The following GLIS3 variants were observed in gnomAD, a reference collection of about 807,000 sequenced individuals.
GLIS3 encodes GLIS family zinc finger 3.
GLIS3 carries 53 observed loss-of-function variants against 78.6 expected under a neutral mutation model. The ratio of observed to expected loss-of-function variants is 0.67; its 90% CI spans 0.54 to 0.85. The LOEUF is 0.85. Ranked by LOEUF, GLIS3 falls within the 40% of genes least tolerant of loss-of-function variation. The probability of loss-of-function intolerance (pLI) is 0.00; values close to 1 mark genes in which losing one functional copy is unlikely to be tolerated. For synonymous variants in GLIS3, 684 were observed against 509.9 expected (o/e 1.34, Z -4.60); for missense variants, 1,703 against 1,231.1 (o/e 1.38, Z -5.74).
chr9:4,184,605 G>A (rs1207210391), intron 2 of GLIS3, among the ~76,000 whole-genome samples: 1 of 152,174 alleles, frequency 6.6e-6, no homozygotes, highest in Non-Finnish European at 1.5e-5. Flanking sequence ...AGAGAGAGAG[G>A]AGAAAAGAGC....
chr9:4,197,319 C>A (rs571291755), intron 2 of GLIS3, among the ~76,000 whole-genome samples: 1 of 152,224 alleles, frequency 6.6e-6, no homozygotes, highest in South Asian at 2.1e-4. Context: ...CACCCACTTG[C>A]CTGGATCAGT....
intron 2 of GLIS3, among the ~76,000 whole-genome samples, chr9:4,155,260 C>CA (rs1834967347): frequency 6.6e-6 from 1 of 152,156 alleles, no homozygotes; most frequent in African/African-American, 2.4e-5. Flanking sequence ...GGATCACTGC[C>CA]AAAAGATTTT....
chr9:4,480,426 T>C, the GLIS3 span, among the ~76,000 whole-genome samples: 1 of 152,204 alleles, frequency 6.6e-6, no homozygotes, highest in African/African-American at 2.4e-5. Context: ...GGTCTTGAAG[T>C]CCAGGTTCAA....
chr9:4,218,478 C>T (rs998995264), intron 2 of GLIS3, among the ~76,000 whole-genome samples: 7 of 152,214 alleles, frequency 4.6e-5, no homozygotes, highest in Non-Finnish European at 1.5e-5. Context: ...CGGGGTTTCA[C>T]TGTGTTAGCC....
intron 4 of GLIS3, among the ~76,000 whole-genome samples, chr9:4,308,229 A>G (rs577613769): frequency 6.6e-6 from 1 of 152,246 alleles, no homozygotes; most frequent in South Asian, 2.1e-4. Flanking sequence ...GTGAAGTGAA[A>G]GGACCCACAG....
chr9:4,409,426 A>G, the GLIS3 span, among the ~76,000 whole-genome samples: 1 of 152,180 alleles, frequency 6.6e-6, no homozygotes, highest in East Asian at 1.9e-4. Flanking sequence ...ATTATCTAAA[A>G]TATTCTAACA....
chr9:3,940,862 T>C (rs12344176), intron 4 of GLIS3, among the ~76,000 whole-genome samples: 46,165 of 152,086 alleles, frequency 0.3, 8,774 homozygotes, highest in African/African-American at 0.54. Context: ...CAAAAAATAC[T>C]GAGTAAGCTC....
chr9:4,224,507 C>T (rs748458102), intron 2 of GLIS3, among the ~76,000 whole-genome samples: 41 of 152,142 alleles, frequency 2.7e-4, no homozygotes, highest in Admixed American at 2.6e-4. Context: ...GAGTTCTGTG[C>T]TTCACTATTT....
intron 4 of GLIS3, among the ~76,000 whole-genome samples, chr9:4,095,670 G>C (rs893472359): frequency 8.5e-5 from 13 of 152,138 alleles, no homozygotes; most frequent in African/African-American, 2.9e-4. Context: ...ATGAAAGTGA[G>C]CGAGCTATAA....
chr9:3,915,588 T>C (rs1824455208), intron 6 of GLIS3, among the ~76,000 whole-genome samples: 1 of 152,218 alleles, frequency 6.6e-6, no homozygotes, highest in Admixed American at 6.5e-5. Flanking sequence ...TGTATACTTT[T>C]GTTCTCAAGG....
At chr9:4,465,804 C>T in the GLIS3 span, among the ~76,000 whole-genome samples, 78,388 of 152,000 alleles carry the variant, frequency 0.52, 20,447 homozygotes, top group Middle Eastern at 0.64. Flanking sequence ...CTGGCTCTAA[C>T]TAAGTAACAT....
the GLIS3 span, among the ~76,000 whole-genome samples, chr9:4,437,394 G>A: frequency 7.0e-6 from 1 of 143,032 alleles, no homozygotes; most frequent in Middle Eastern, 3.6e-3. Flanking sequence ...AATTTTCTAG[G>A]TATTTGACTG....
the GLIS3 span, among the ~76,000 whole-genome samples, chr9:4,435,590 C>T: frequency 1.3e-5 from 2 of 152,236 alleles, no homozygotes; most frequent in Admixed American, 6.5e-5. Context: ...AGATTTATCA[C>T]TCCACTGAAA....
At chr9:4,233,622 T>C (rs1822464826) in intron 2 of GLIS3, among the ~76,000 whole-genome samples, 1 of 152,174 alleles carries the variant, frequency 6.6e-6, no homozygotes, top group Non-Finnish European at 1.5e-5. Context: ...ATTAGCATAA[T>C]TCTTAAAGGC....
At chr9:3,983,314 G>A (rs1819457926) in intron 4 of GLIS3, among the ~76,000 whole-genome samples, 1 of 152,174 alleles carries the variant, frequency 6.6e-6, no homozygotes, top group South Asian at 2.1e-4. Context: ...ATGTGGAACT[G>A]TAAGTCCATT....
intron 2 of GLIS3, among the ~76,000 whole-genome samples, chr9:4,214,273 T>C (rs1302352527): frequency 6.6e-6 from 1 of 152,208 alleles, no homozygotes; most frequent in Non-Finnish European, 1.5e-5. Flanking sequence ...AGTGGCAAAA[T>C]TGACCCATAT....
intron 4 of GLIS3, among the ~76,000 whole-genome samples, chr9:3,997,300 C>T (rs958089136): frequency 2.6e-5 from 4 of 152,068 alleles, no homozygotes; most frequent in Admixed American, 2.0e-4. Flanking sequence ...AAGCCGAGAT[C>T]GCTGCATTGC....
the GLIS3 span, among the ~76,000 whole-genome samples, chr9:4,412,366 G>C: frequency 1.3e-5 from 2 of 152,204 alleles, no homozygotes; most frequent in Non-Finnish European, 2.9e-5. Flanking sequence ...TTTAGATCTT[G>C]AAGCAGACAA....
At chr9:4,277,922 C>T (rs941424100) in intron 2 of GLIS3, among the ~76,000 whole-genome samples, 2 of 152,136 alleles carry the variant, frequency 1.3e-5, no homozygotes, top group Admixed American at 6.5e-5. Flanking sequence ...CAAATCCTAG[C>T]GAGACTAATA....
Sources: gnomAD v4.1 joint callset for allele counts (sites outside exome capture counted in the v4.1 genomes callset) on GRCh38, gnomAD v4.1.1 for gene constraint, MANE v1.5 for transcripts, NCBI Gene and HGNC (gene_info 2026-07-23, HGNC 2026-07-21) for gene names.